The following ANKHD1 variants were observed in gnomAD, a reference collection of about 807,000 sequenced individuals.
ANKHD1 encodes the protein ankyrin repeat and KH domain-containing protein 1.
ANKHD1 carries 31 observed loss-of-function variants against 230.5 expected under a neutral mutation model. The ratio of observed to expected loss-of-function variants is 0.13; its 90% CI spans 0.10 to 0.18. ANKHD1 has a LOEUF of 0.18. ANKHD1 is among the 10% of genes least tolerant of loss of function. The pLI is 1.00. For missense variants in ANKHD1, 2,256 were observed against 3,071.3 expected (o/e 0.73, Z 6.27); for synonymous variants, 1,074 against 1,117.6 (o/e 0.96, Z 0.78).
In ANKHD1 at chr5:140,402,129, G is replaced by A. The variant is rs1366729601; in HGVS notation, c.162G>A (p.Ser54=). 2 of 1,543,898 alleles carry A rather than the reference G, an allele frequency of 1.3e-6. No homozygotes were observed. The highest frequency in any genetic ancestry group is 1.2e-5 in the South Asian group (1 of 82,740). ...VRLFGEAGPA[S]GVGSSGGGGS... ...TCTTTGGGGAGGCCGGGCCAGCGTC[G>A]GGAGTCGGCAGCAGCGGCGGCGGCG... is the stretch of plus-strand genomic sequence containing the variant. Residue 54 remains serine, a synonymous_variant, in exon 1 of 34, where the codon TCG becomes TCA. Coordinates refer to ENST00000360839, the MANE Select transcript of ANKHD1 (RefSeq NM_017747.3).
At chr5:140,451,073 A>T (rs561099486) in intron 7 of ANKHD1, among the ~76,000 whole-genome samples, 1 of 152,170 alleles carries the variant, frequency 6.6e-6, no homozygotes, top group South Asian at 2.1e-4. Flanking sequence ...AATCACTTGA[A>T]CCTGGGAGGT....
chr5:140,453,363 T>C (rs971271698), intron 7 of ANKHD1, among the ~76,000 whole-genome samples: 1 of 152,042 alleles, frequency 6.6e-6, no homozygotes, highest in Admixed American at 6.6e-5. Flanking sequence ...ATACAGAGAA[T>C]GCCACAAAGA....
intron 10 of ANKHD1, among the ~76,000 whole-genome samples, chr5:140,469,106 C>T (rs1488759459): frequency 2.6e-5 from 4 of 151,878 alleles, no homozygotes; most frequent in African/African-American, 9.7e-5. Context: ...TCCTTCCTTC[C>T]CTCCCTTCTC....
chr5:140,491,147 TATATATATATATA>T (rs1751771151), intron 14 of ANKHD1, among the ~76,000 whole-genome samples: 1 of 98,152 alleles, frequency 1.0e-5, no homozygotes, highest in Non-Finnish European at 2.1e-5. Context: ...CACATATATA[TATATATATATATA>T]TTTTTTTTTT....
chr5:140,533,245 C>T (rs948007651), intron 29 of ANKHD1, among the ~76,000 whole-genome samples: 4 of 152,034 alleles, frequency 2.6e-5, no homozygotes, highest in Non-Finnish European at 4.4e-5. Context: ...CCCAGGAGTT[C>T]GAGACCACCC....
chr5:140,536,749 C>T (rs1056971100), intron 30 of ANKHD1, among the ~76,000 whole-genome samples: 25 of 152,108 alleles, frequency 1.6e-4, no homozygotes, highest in Admixed American at 1.1e-3. Flanking sequence ...TGTGGCTGGG[C>T]GTGGTGGCTC....
chr5:140,533,665 T>G (rs1753938835), intron 29 of ANKHD1, among the ~76,000 whole-genome samples: 1 of 150,918 alleles, frequency 6.6e-6, no homozygotes, highest in African/African-American at 2.4e-5. Context: ...TCCCAGCTAC[T>G]CAGCGGGGCT....
chr5:140,512,929 T>A lies in ANKHD1; in HGVS notation c.4200+6T>A. The A allele has an allele frequency of 1.3e-6, 2 of 1,586,678 alleles. No homozygotes were observed. The highest frequency in any genetic ancestry group is 1.7e-6 in the Non-Finnish European group (2 of 1,170,260). ...TAGCAACAATTACAGATAAGGTAAG[T>A]TTAATATGCTACTGAAGCACATTTT... On this transcript the variant is annotated splice_donor_region_variant and intron_variant, in intron 23 of 33. Coordinates refer to ENST00000360839, the MANE Select transcript of ANKHD1 (RefSeq NM_017747.3).
At chr5:140,469,116 C>T (rs943056922) in intron 10 of ANKHD1, among the ~76,000 whole-genome samples, 1 of 151,900 alleles carries the variant, frequency 6.6e-6, no homozygotes. Context: ...CCTCCCTTCT[C>T]TCCTTCTCTC....
At position 140,485,449 on chromosome 5, in the gene ANKHD1, T is replaced by A. The variant is rs990271852; in HGVS notation, c.1999-140T>A. On this transcript the variant is annotated intron_variant, in intron 12 of 33. Coordinates refer to ENST00000360839, the MANE Select transcript of ANKHD1 (RefSeq NM_017747.3). This position sits in a 1 kb window ranked among gnomAD's most constrained non-coding sequence, Gnocchi z 4.8. The stretch of plus-strand genomic sequence containing the variant: ...ACACGTATGTATGTGTATATATATA[T>A]AAATAATATGTGTATAGTTATAAAA... 16 of 1,190,048 alleles carry A rather than the reference T, an allele frequency of 1.3e-5. No individual in the cohort carries two copies. Among genetic ancestry groups the A allele is most frequent in the Non-Finnish European group, 1.8e-5 (16 of 877,914 alleles). The allele number at this position is 1,190,048 out of a possible 1,614,324, so 73.7% of individuals were successfully genotyped here. A position where few individuals can be genotyped will look rare whatever the true frequency, so the allele number is the denominator to read the frequency against.
chr5:140,500,648 C>CAAAA (rs376975917), intron 15 of ANKHD1, among the ~76,000 whole-genome samples: 5 of 78,712 alleles, frequency 6.4e-5, no homozygotes, highest in Non-Finnish European at 1.0e-4. Flanking sequence ...GACTCTGTCT[C>CAAAA]AAAAAAAAAA....
chr5:140,406,469 G>C (rs1195069100), intron 1 of ANKHD1, among the ~76,000 whole-genome samples: 1 of 151,848 alleles, frequency 6.6e-6, no homozygotes, highest in Non-Finnish European at 1.5e-5. Flanking sequence ...TTTAATATCA[G>C]AGCCAAGAGC....
chr5:140,458,956 A>ATGC (rs1255650229), intron 8 of ANKHD1, 94 bp downstream of exon 8: 2 of 16,896 alleles, frequency 1.2e-4, no homozygotes, highest in South Asian at 6.3e-3. Context: ...ATATATATAT[A>ATGC]TATATATATA....
At chr5:140,500,057 T>C (rs574567713) in intron 15 of ANKHD1, among the ~76,000 whole-genome samples, 15 of 152,016 alleles carry the variant, frequency 9.9e-5, no homozygotes, top group African/African-American at 3.6e-4. Context: ...TTAGTAGAGA[T>C]GGGGTTTTAC....
intron 14 of ANKHD1, among the ~76,000 whole-genome samples, chr5:140,487,376 A>T (rs532494664): frequency 2.0e-5 from 3 of 152,278 alleles, no homozygotes; most frequent in African/African-American, 7.2e-5. Flanking sequence ...TCATTTGATA[A>T]TTCTTTAGCT....
chr5:140,529,086 C>T lies in ANKHD1; in HGVS notation c.6140C>T (p.Thr2047Ile), dbSNP rs778777306. 6.2e-7 allele frequency: 1 copy of T among 1,614,078 alleles called. No homozygotes were observed. The highest frequency in any genetic ancestry group is 8.5e-7 in the Non-Finnish European group (1 of 1,180,038). ...GCAAACCTATGTACCCCATCTTCAA[C>T]TGCAAACAGTTGCAGTAGCTCTGCC... ...PMANLCTPSSTANSCSSSASN... is the reference protein window; with the variant it reads ...PMANLCTPSSIANSCSSSASN... Residue 2047 changes from threonine (T) to isoleucine (I), a missense_variant, in exon 29 of 34, where the codon ACT becomes ATT. Coordinates refer to ENST00000360839, the MANE Select transcript of ANKHD1 (RefSeq NM_017747.3).
At chr5:140,508,565 C>T (rs1752631865) in intron 20 of ANKHD1, among the ~76,000 whole-genome samples, 2 of 151,912 alleles carry the variant, frequency 1.3e-5, no homozygotes, top group Admixed American at 6.6e-5. Context: ...ACCAGCCTGA[C>T]CAATATGGTG....
Position 140,402,283 on chromosome 5 carries a change from C to A in ANKHD1, c.306+10C>A. The A allele has an allele frequency of 6.8e-7, 1 of 1,465,246 alleles. No homozygotes were observed. Among genetic ancestry groups the A allele is most frequent in the Non-Finnish European group, 9.0e-7 (1 of 1,114,952 alleles). 90.8% of individuals were successfully genotyped at this position (1,465,246 alleles called of 1,614,324 possible). On this transcript the variant is annotated intron_variant, in intron 1 of 33. Transcript: ENST00000360839. ...GGACGAAGTGTCCGAGGTAAGGCTC[C>A]GGGACCCTCGCCTCCCACACATTGT...
At chr5:140,403,880 G>T (rs1445110055) in intron 1 of ANKHD1, among the ~76,000 whole-genome samples, 1 of 152,150 alleles carries the variant, frequency 6.6e-6, no homozygotes, top group Non-Finnish European at 1.5e-5. Context: ...GGAATAAGGA[G>T]AAATTATTTG....
Sources: gnomAD v4.1 joint callset for allele counts (sites outside exome capture counted in the v4.1 genomes callset) on GRCh38, gnomAD v4.1.1 for gene constraint, Gnocchi (gnomAD v3.1) non-coding constraint, MANE v1.5 for transcripts, NCBI Gene and HGNC (gene_info 2026-07-23, HGNC 2026-07-21) for gene names.